Variants in PCDH9 observed in about 807,000 individuals in gnomAD.
PCDH9 encodes the protein protocadherin-9.
Under a neutral mutation model 70.6 loss-of-function variants are expected in PCDH9, and 24 were observed. The ratio of observed to expected loss-of-function variants is 0.34; its 90% confidence interval spans 0.25 to 0.48. PCDH9 has a LOEUF of 0.48. Ranked by LOEUF, PCDH9 falls within the 20% of genes least tolerant of loss-of-function variation. The probability of loss-of-function intolerance (pLI) is 0.99; values close to 1 mark genes in which losing one functional copy is unlikely to be tolerated. For missense variants in PCDH9, 1,281 were observed against 1,503.6 expected (o/e 0.85, Z 2.45); for synonymous variants, 562 against 558.5 (o/e 1.01, Z -0.09).
intron 4 of PCDH9, among the ~76,000 whole-genome samples, chr13:66,316,471 C>G (rs1252931070): frequency 2.0e-5 from 3 of 152,140 alleles, no homozygotes; most frequent in East Asian, 1.9e-4. Flanking sequence ...GCTTTCTAAT[C>G]TCATACCTCA....
At chr13:66,561,354 C>A (rs893691691) in intron 4 of PCDH9, among the ~76,000 whole-genome samples, 1 of 152,192 alleles carries the variant, frequency 6.6e-6, no homozygotes, top group Non-Finnish European at 1.5e-5. Context: ...AGGAGTGCCG[C>A]CCCTTGCTCC....
chr13:67,141,415 TTCTC>T (rs540110973), intron 2 of PCDH9, among the ~76,000 whole-genome samples: 11 of 150,602 alleles, frequency 7.3e-5, no homozygotes, highest in Non-Finnish European at 1.5e-4. Flanking sequence ...TAGTAAGATC[TTCTC>T]TCTCTCTCTC....
chr13:67,228,715 A>T (rs1245479371), intron 1 of PCDH9, 140 bp from the exon 2 acceptor site: 1 of 327,906 alleles, frequency 3.0e-6, no homozygotes, highest in East Asian at 4.8e-5. Flanking sequence ...TACTCTGTGG[A>T]GAAAAACACT....
chr13:67,071,276 T>C (rs1025465980), intron 2 of PCDH9, among the ~76,000 whole-genome samples: 5 of 152,194 alleles, frequency 3.3e-5, no homozygotes, highest in Admixed American at 2.0e-4. Context: ...TCAACACTAT[T>C]TAAATCACAA....
intron 4 of PCDH9, among the ~76,000 whole-genome samples, chr13:66,573,416 C>T (rs557154194): frequency 5.1e-4 from 77 of 152,046 alleles, no homozygotes; most frequent in African/African-American, 1.8e-3. Context: ...TTGTTACTTG[C>T]GTAAATGTAT....
At chr13:67,130,697 A>G (rs1360804411) in intron 2 of PCDH9, among the ~76,000 whole-genome samples, 4 of 152,072 alleles carry the variant, frequency 2.6e-5, no homozygotes, top group African/African-American at 9.7e-5. Flanking sequence ...CATCTTATCA[A>G]ACAAGGGCCA....
chr13:66,414,775 A>G (rs1446598864), intron 4 of PCDH9, among the ~76,000 whole-genome samples: 3 of 152,188 alleles, frequency 2.0e-5, no homozygotes, highest in Non-Finnish European at 4.4e-5. Context: ...ATAATATTTC[A>G]ACGTGAAAAC....
intron 4 of PCDH9, among the ~76,000 whole-genome samples, chr13:66,488,742 G>A (rs1958987173): frequency 6.6e-6 from 1 of 152,126 alleles, no homozygotes; most frequent in Admixed American, 6.5e-5. Context: ...TGACATTGGT[G>A]ATAGCTCAAT....
chr13:66,712,391 T>C (rs2078806342), intron 3 of PCDH9, among the ~76,000 whole-genome samples: 1 of 152,146 alleles, frequency 6.6e-6, no homozygotes, highest in Non-Finnish European at 1.5e-5. Context: ...TTAGTTTTGA[T>C]AGTCATTAAA....
intron 4 of PCDH9, among the ~76,000 whole-genome samples, chr13:66,546,173 TA>T (rs71106978): frequency 0.27 from 39,694 of 146,018 alleles, 5,413 homozygotes; most frequent in South Asian, 0.34. Context: ...TTCTATTTAT[TA>T]AAAAAAAAAA....
chr13:66,504,004 T>A (rs1451366564), intron 4 of PCDH9, among the ~76,000 whole-genome samples: 1 of 152,240 alleles, frequency 6.6e-6, no homozygotes, highest in Non-Finnish European at 1.5e-5. Context: ...CTTCATTTCA[T>A]GCCACCTGCT....
intron 3 of PCDH9, among the ~76,000 whole-genome samples, chr13:66,822,007 T>A (rs759643625): frequency 2.6e-5 from 4 of 152,186 alleles, no homozygotes; most frequent in Non-Finnish European, 5.9e-5. Flanking sequence ...TTATTGAATT[T>A]GATGCCTCAA....
intron 2 of PCDH9, among the ~76,000 whole-genome samples, chr13:67,195,729 C>T (rs984211592): frequency 3.3e-5 from 5 of 151,760 alleles, no homozygotes; most frequent in African/African-American, 1.2e-4. Context: ...AAAATGATTA[C>T]TAAAAAGCAA....
chr13:66,789,786 A>T (rs2139316060), intron 3 of PCDH9, among the ~76,000 whole-genome samples: 1 of 152,210 alleles, frequency 6.6e-6, no homozygotes, highest in South Asian at 2.1e-4. Flanking sequence ...CAAGCTCCAT[A>T]AGAATAGAAT....
chr13:67,205,521 T>A (rs2089317793), intron 2 of PCDH9: 1 of 152,228 alleles, frequency 6.6e-6, no homozygotes, highest in African/African-American at 2.4e-5. Flanking sequence ...TGAAAGTCAG[T>A]CTGCTTGTCT....
At chr13:66,459,613 T>C (rs903576004) in intron 4 of PCDH9, among the ~76,000 whole-genome samples, 2 of 151,984 alleles carry the variant, frequency 1.3e-5, no homozygotes, top group African/African-American at 4.8e-5. Context: ...AAAAACTTGT[T>C]CTAAGAAGAA....
intron 4 of PCDH9, among the ~76,000 whole-genome samples, chr13:66,479,430 T>C (rs919374321): frequency 6.6e-5 from 10 of 152,236 alleles, no homozygotes; most frequent in African/African-American, 1.9e-4. Context: ...ATTCCTCTGA[T>C]GGATCTGTAA....
At chr13:67,172,023 C>T (rs1039736744) in intron 2 of PCDH9, among the ~76,000 whole-genome samples, 1 of 152,340 alleles carries the variant, frequency 6.6e-6, no homozygotes, top group African/African-American at 2.4e-5. Context: ...CCACCACTTA[C>T]TAGTTTTATC....
At chr13:66,833,697 G>GT (rs1187584402) in intron 3 of PCDH9, among the ~76,000 whole-genome samples, 1 of 151,890 alleles carries the variant, frequency 6.6e-6, no homozygotes, top group Non-Finnish European at 1.5e-5. Flanking sequence ...TCTTCCTATA[G>GT]TTTGAGTTTA....
Sources: gnomAD v4.1 joint callset for allele counts (sites outside exome capture counted in the v4.1 genomes callset) on GRCh38, gnomAD v4.1.1 for gene constraint, MANE v1.5 for transcripts, NCBI Gene and HGNC (gene_info 2026-07-23, HGNC 2026-07-21) for gene names.